The following PHF11 variants were observed in gnomAD, a reference collection of about 807,000 sequenced individuals.
PHF11 encodes the protein PHD finger protein 11.
PHF11 carries 38 observed loss-of-function variants against 40.5 expected under a neutral mutation model. The ratio of observed to expected loss-of-function variants is 0.94; its 90% CI spans 0.72 to 1.23. The LOEUF (loss-of-function observed/expected upper bound fraction) is 1.23. Among genes scored for constraint, PHF11 ranks in the 50% most tolerant of loss-of-function variants. The pLI is 0.00. For synonymous variants in PHF11, 127 were observed against 138.2 expected (o/e 0.92, Z 0.57); for missense variants, 369 against 392.4 (o/e 0.94, Z 0.50).
intron 6 of PHF11, among the ~76,000 whole-genome samples, chr13:49,522,855 C>G (rs938547305): frequency 6.8e-6 from 1 of 148,132 alleles, no homozygotes; most frequent in Non-Finnish European, 1.5e-5. Flanking sequence ...ACCTCTGCCT[C>G]CTGGATTCAA....
rs1330744381 is a variant in PHF11, at chr13:49,518,057, T to C, written c.364T>C (p.Cys122Arg). 1 of 1,592,180 alleles carries C rather than the reference T, an allele frequency of 6.3e-7. No individual in the cohort carries two copies. The highest frequency in any genetic ancestry group is 1.7e-5 in the Admixed American group (1 of 59,310). Residue 122 changes from cysteine (C) to arginine (R), a missense_variant, in exon 4 of 10, where the codon TGT (cysteine) becomes CGT (arginine). By Grantham distance (180) the Cys-to-Arg change is radical (BLOSUM62 -3). Transcript: ENST00000378319. Reference sequence around the variant, plus strand: ...TCATAAAAGAGGAGCCACCGTGGGATGTGATTTAAAAAACTGTAACAAGAA... The same window carrying C: ...TCATAAAAGAGGAGCCACCGTGGGACGTGATTTAAAAAACTGTAACAAGAA... Reference protein sequence around the residue: ...FCHKRGATVGCDLKNCNKNYH... With the variant: ...FCHKRGATVGRDLKNCNKNYH...
intron 2 of PHF11, 48 bp from the exon 3 acceptor site, chr13:49,513,011 T>C: frequency 3.3e-6 from 3 of 897,394 alleles, no homozygotes; most frequent in Middle Eastern, 4.4e-4. Flanking sequence ...ACATGTAGCT[T>C]TCAATATTAC....
At chr13:49,502,769 C>A (rs1958927726) in intron 1 of PHF11, among the ~76,000 whole-genome samples, 1 of 152,216 alleles carries the variant, frequency 6.6e-6, no homozygotes. Flanking sequence ...GTTGCCCAGG[C>A]CACAGTGCAG....
intron 4 of PHF11, chr13:49,518,438 A>T (rs1959171980): frequency 1.2e-5 from 2 of 167,596 alleles, no homozygotes; most frequent in Non-Finnish European, 2.5e-5. Flanking sequence ...TCGTAAGATG[A>T]TTTTTAAAAA....
At chr13:49,504,411 G>A (rs188278692) in intron 1 of PHF11, among the ~76,000 whole-genome samples, 295 of 152,190 alleles carry the variant, frequency 1.9e-3, no homozygotes, top group African/African-American at 6.5e-3. Flanking sequence ...AGCCATCATT[G>A]CGCCACTGCA....
chr13:49,523,967 T>G, intron 7 of PHF11, 118 bp from the exon 8 acceptor site: 1 of 656,024 alleles, frequency 1.5e-6, no homozygotes, highest in Non-Finnish European at 2.5e-6. Context: ...AGGTGCTGTA[T>G]TATTTTACTA....
chr13:49,518,448 A>C (rs1959172035), intron 4 of PHF11: 1 of 163,664 alleles, frequency 6.1e-6, no homozygotes, highest in Admixed American at 6.4e-5. Flanking sequence ...ATTTTTAAAA[A>C]TTCCATTCAG....
chr13:49,526,567 T>G, intron 9 of PHF11, 109 bp downstream of exon 9: 2 of 735,046 alleles, frequency 2.7e-6, no homozygotes, highest in Non-Finnish European at 4.7e-6. Context: ...GAATGTTCAT[T>G]GTTTTCTTAA....
chr13:49,505,236 CTA>C (rs1480309989), intron 1 of PHF11, among the ~76,000 whole-genome samples: 1 of 150,930 alleles, frequency 6.6e-6, no homozygotes, highest in Non-Finnish European at 1.5e-5. Flanking sequence ...AGTTTTCACT[CTA>C]TCTTACCCTT....
chr13:49,517,182 C>T (rs906687258), intron 3 of PHF11, among the ~76,000 whole-genome samples: 1 of 152,108 alleles, frequency 6.6e-6, no homozygotes, highest in African/African-American at 2.4e-5. Context: ...AACCTTATTT[C>T]TTGCCTATAT....
intron 6 of PHF11, 91 bp from the exon 7 acceptor site, chr13:49,523,084 G>C (rs1959197688): frequency 2.3e-6 from 2 of 888,552 alleles, no homozygotes; most frequent in Non-Finnish European, 1.9e-6. Context: ...TTTACTGTAG[G>C]CATATCATTT....
At position 49,496,980 on chromosome 13, in the gene PHF11, T is replaced by C. The variant is rs956792190; in HGVS notation, c.94+885T>C. The C allele has an allele frequency of 5.9e-6, 6 of 1,015,536 alleles. No homozygotes were observed. In the Admixed American group the frequency reaches 1.3e-4, roughly 23 times the overall value. The allele number at this position is 1,015,536 out of a possible 1,614,324, so 62.9% of individuals were successfully genotyped here. A position where few individuals can be genotyped will look rare whatever the true frequency, so the allele number is the denominator to read the frequency against. On this transcript the variant is annotated intron_variant, in intron 1 of 9. Transcript: ENST00000378319. ...TCCCGAGTGGATGGGATTACAGGCA[T>C]GTGCCACCACGCCCAGCTAATTTTG... is the stretch of plus-strand genomic sequence containing the variant.
In PHF11 at chr13:49,528,689, A is replaced by G. The variant is rs201452115; in HGVS notation, c.*24A>G. 10 of 1,547,986 alleles carry G rather than the reference A, an allele frequency of 6.5e-6. No individual in the cohort carries two copies. The highest frequency in any genetic ancestry group is 8.8e-6 in the Non-Finnish European group (10 of 1,141,768). On this transcript the variant is annotated 3_prime_UTR_variant, in exon 10 of 10. Coordinates refer to ENST00000378319, the MANE Select transcript of PHF11 (RefSeq NM_001040443.3). The stretch of plus-strand genomic sequence containing the variant: ...AGGGATTACCGTTTCCTAAGCCAAG[A>G]GTCATGTCAAATTGCAATCAGGCTC...
intron 1 of PHF11, 82 bp downstream of exon 1, chr13:49,496,177 G>A: frequency 1.1e-6 from 1 of 879,176 alleles, no homozygotes; most frequent in Non-Finnish European, 1.5e-6. Flanking sequence ...TTCCGGTCGT[G>A]GCCGCATGGG....
chr13:49,524,904 A>C (rs960859770), intron 8 of PHF11, among the ~76,000 whole-genome samples: 2 of 152,136 alleles, frequency 1.3e-5, no homozygotes, highest in African/African-American at 4.8e-5. Context: ...GTTGTGGTAC[A>C]TTTTCCAGAG....
intron 4 of PHF11, chr13:49,518,847 T>A (rs1392358352): frequency 6.6e-6 from 1 of 151,274 alleles, no homozygotes; most frequent in Non-Finnish European, 1.5e-5. Context: ...TTTTTTTTTT[T>A]TTTTTTGAGA....
intron 1 of PHF11, among the ~76,000 whole-genome samples, chr13:49,504,455 A>C (rs1315713125): frequency 1.3e-5 from 2 of 149,280 alleles, no homozygotes; most frequent in Non-Finnish European, 3.0e-5. Context: ...GACTCTGTCT[A>C]AAAAAAAAGA....
intron 3 of PHF11, among the ~76,000 whole-genome samples, chr13:49,516,176 A>C (rs9562890): frequency 0.09 from 13,705 of 152,074 alleles, 1,009 homozygotes; most frequent in African/African-American, 0.19. Context: ...CTGTCACTTC[A>C]CCCTATTTTA....
At chr13:49,505,792 T>TA (rs538226703) in intron 1 of PHF11, among the ~76,000 whole-genome samples, 21 of 149,616 alleles carry the variant, frequency 1.4e-4, no homozygotes, top group African/African-American at 3.2e-4. Flanking sequence ...TTCTTCGCCT[T>TA]AAAAAAAAAA....
Sources: gnomAD v4.1 joint callset for allele counts (sites outside exome capture counted in the v4.1 genomes callset) on GRCh38, gnomAD v4.1.1 for gene constraint, MANE v1.5 for transcripts, NCBI Gene and HGNC (gene_info 2026-07-23, HGNC 2026-07-21) for gene names.